The following PXDNL variants were observed in gnomAD, a reference collection of about 807,000 sequenced individuals.
PXDNL encodes probable oxidoreductase PXDNL.
Under a neutral mutation model 150.8 loss-of-function variants are expected in PXDNL, and 145 were observed. The ratio of observed to expected loss-of-function variants is 0.96; its 90% confidence interval spans 0.84 to 1.10. The LOEUF is 1.10. Among genes scored for constraint, PXDNL ranks in the 50% least tolerant of loss-of-function variants. PXDNL has a pLI of 0.00. For synonymous variants in PXDNL, 757 were observed against 725.7 expected (o/e 1.04, Z -0.69); for missense variants, 2,087 against 1,873.9 (o/e 1.11, Z -2.10).
At chr8:51,360,199 A>G (rs1240831385) in intron 19 of PXDNL, among the ~76,000 whole-genome samples, 1 of 152,192 alleles carries the variant, frequency 6.6e-6, no homozygotes, top group Non-Finnish European at 1.5e-5. Flanking sequence ...ACTTTTGTGT[A>G]CACATATAAA....
intron 1 of PXDNL, among the ~76,000 whole-genome samples, chr8:51,743,021 T>C (rs2130956200): frequency 6.6e-6 from 1 of 152,310 alleles, no homozygotes; most frequent in Non-Finnish European, 1.5e-5. Context: ...TCCAGTAAAC[T>C]ATTCATGCAA....
chr8:51,323,642 G>A (rs143655647), intron 21 of PXDNL, among the ~76,000 whole-genome samples: 80 of 152,134 alleles, frequency 5.3e-4, no homozygotes, highest in Middle Eastern at 3.4e-3. Context: ...GGCTGGGTGC[G>A]GTGGCTCATG....
At chr8:51,547,019 C>T (rs1033009884) in intron 4 of PXDNL, among the ~76,000 whole-genome samples, 3 of 152,166 alleles carry the variant, frequency 2.0e-5, no homozygotes, top group Non-Finnish European at 4.4e-5. Context: ...AGTCTGAGCT[C>T]GGTACTGCCC....
At chr8:51,328,935 C>T (rs1805597491) in intron 21 of PXDNL, among the ~76,000 whole-genome samples, 2 of 152,124 alleles carry the variant, frequency 1.3e-5, no homozygotes, top group Non-Finnish European at 1.5e-5. Context: ...GTACTAAATC[C>T]TAAAACAAAC....
intron 17 of PXDNL, among the ~76,000 whole-genome samples, chr8:51,381,631 T>G (rs1248630096): frequency 2.0e-4 from 2 of 9,876 alleles, no homozygotes; most frequent in Admixed American, 1.8e-3. Context: ...TCTTTATTTA[T>G]TTATTTATTT....
intron 1 of PXDNL, among the ~76,000 whole-genome samples, chr8:51,713,815 T>C (rs1366368137): frequency 6.6e-6 from 1 of 152,220 alleles, no homozygotes; most frequent in African/African-American, 2.4e-5. Context: ...GGTTGAAATG[T>C]ATTCCCAACA....
chr8:51,455,131 A>AAAAAAG (rs1188033805), intron 9 of PXDNL, among the ~76,000 whole-genome samples: 2 of 91,824 alleles, frequency 2.2e-5, no homozygotes, highest in Non-Finnish European at 4.0e-5. Flanking sequence ...AAAAAAAAAA[A>AAAAAAG]AAGAGGTAAG....
rs547489622 is a variant in PXDNL at position 51,574,139 on chromosome 8, TA to T, written c.309-17229del. On this transcript the variant is annotated intron_variant, in intron 3 of 22. Coordinates refer to ENST00000356297, the MANE Select transcript of PXDNL (RefSeq NM_144651.5). ...TAATAGAGATTTTTAAAGAACATCA[TA>T]AAAATGCCTCAGGAAACAATCACAA... is the stretch of plus-strand genomic sequence containing the variant. Among the ~76,000 whole-genome samples the T allele has an allele frequency of 2.2e-3, 331 of 151,986 alleles. 1 individual carries two copies. Among genetic ancestry groups the T allele is most frequent in the African/African-American group, 7.5e-3 (312 of 41,512 alleles).
At chr8:51,506,349 TG>T (rs1811286621) in intron 4 of PXDNL, among the ~76,000 whole-genome samples, 1 of 152,010 alleles carries the variant, frequency 6.6e-6, no homozygotes, top group Admixed American at 6.6e-5. Context: ...GAGACCATCC[TG>T]GCCAACATGG....
chr8:51,458,941 G>A (rs1366872835), intron 8 of PXDNL, among the ~76,000 whole-genome samples: 1 of 140,212 alleles, frequency 7.1e-6, no homozygotes, highest in Non-Finnish European at 1.5e-5. Context: ...AAAACCCAAT[G>A]TGAAGAAGTA....
intron 4 of PXDNL, among the ~76,000 whole-genome samples, chr8:51,548,489 T>G (rs1468989721): frequency 1.3e-5 from 2 of 152,208 alleles, no homozygotes; most frequent in Non-Finnish European, 2.9e-5. Flanking sequence ...TAGCAGCAGA[T>G]TTTTCAGCAG....
chr8:51,445,249 G>A (rs908432921), intron 12 of PXDNL, among the ~76,000 whole-genome samples: 4 of 152,044 alleles, frequency 2.6e-5, no homozygotes, highest in Non-Finnish European at 4.4e-5. Context: ...CTGAATAATC[G>A]ATCTGATCAA....
At chr8:51,608,906 CTGAATG>C (rs1813937967) in intron 2 of PXDNL, among the ~76,000 whole-genome samples, 3 of 149,224 alleles carry the variant, frequency 2.0e-5, no homozygotes, top group Non-Finnish European at 4.4e-5. Flanking sequence ...TATGTTTTCT[CTGAATG>C]TAATTTTATG....
chr8:51,606,174 T>C (rs995125595), intron 2 of PXDNL, among the ~76,000 whole-genome samples: 2 of 152,206 alleles, frequency 1.3e-5, no homozygotes, highest in African/African-American at 4.8e-5. Context: ...AAATTACTCA[T>C]ATACGTGCCA....
intron 1 of PXDNL, among the ~76,000 whole-genome samples, chr8:51,735,523 ATTGTTTTT>A (rs1347821042): frequency 1.0e-5 from 1 of 96,658 alleles, no homozygotes; most frequent in East Asian, 3.1e-4. Flanking sequence ...TTAATTAAAA[ATTGTTTTT>A]TTTTTTTTTT....
rs550105745 is a variant in PXDNL, at chr8:51,466,280, C to T, written c.812+5907G>A. 9.2e-5 allele frequency among the ~76,000 whole-genome samples: 14 copies of T among 152,124 alleles called. No homozygotes were observed. The South Asian group carries it at 2.5e-3, about 27-fold the overall frequency. ...TCCATCTGATCTTCAACAAAGTCAA[C>T]AAAACTAAGCAATGGAAAAGGATTC... On this transcript the variant is annotated intron_variant, in intron 8 of 22. Coordinates refer to ENST00000356297, the MANE Select transcript of PXDNL (RefSeq NM_144651.5).
At chr8:51,458,127 G>T (rs1393128932) in intron 8 of PXDNL, among the ~76,000 whole-genome samples, 1 of 152,114 alleles carries the variant, frequency 6.6e-6, no homozygotes, top group African/African-American at 2.4e-5. Context: ...ACCAGCACGG[G>T]CTCAAAGCCA....
intron 3 of PXDNL, among the ~76,000 whole-genome samples, chr8:51,559,333 C>T (rs60721101): frequency 4.2e-5 from 2 of 47,552 alleles, no homozygotes; most frequent in Non-Finnish European, 6.6e-5. Flanking sequence ...CTTCCAAACC[C>T]CCCCCCCCCC....
chr8:51,462,337 G>C (rs765169765), intron 8 of PXDNL, among the ~76,000 whole-genome samples: 2 of 152,174 alleles, frequency 1.3e-5, no homozygotes, highest in Non-Finnish European at 2.9e-5. Context: ...ATAAAATTCA[G>C]AATCTGGATG....
Sources: gnomAD v4.1 joint callset for allele counts (sites outside exome capture counted in the v4.1 genomes callset) on GRCh38, gnomAD v4.1.1 for gene constraint, MANE v1.5 for transcripts, NCBI Gene and HGNC (gene_info 2026-07-23, HGNC 2026-07-21) for gene names.